KLF8: variants seen among roughly 807,000 people sequenced by gnomAD.
The protein encoded by KLF8 is KLF transcription factor 8.
Under a neutral mutation model 18.2 loss-of-function variants are expected in KLF8, and 10 were observed. The ratio of observed to expected loss-of-function variants is 0.55; its 90% confidence interval spans 0.34 to 0.93. KLF8 has a LOEUF of 0.93. KLF8 is among the 40% of genes least tolerant of loss of function. KLF8 has a pLI of 0.02. For missense variants in KLF8, 264 were observed against 277.9 expected (o/e 0.95, Z 0.36); for synonymous variants, 109 against 97.3 (o/e 1.12, Z -0.71).
chrX:56,204,272 T>C, the KLF8 span, among the ~76,000 whole-genome samples: 1 of 111,801 alleles, frequency 8.9e-6, no homozygotes, highest in African/African-American at 3.3e-5. Flanking sequence ...GTTGATTTAG[T>C]ATACTGCAAA....
chrX:56,167,079 G>A, the KLF8 span, among the ~76,000 whole-genome samples: 6 of 111,772 alleles, frequency 5.4e-5, no homozygotes, highest in Admixed American at 9.6e-5. Flanking sequence ...AAGAAATAAC[G>A]CTGCAGAAAG....
At chrX:56,200,765 C>G in the KLF8 span, among the ~76,000 whole-genome samples, 1 of 111,103 alleles carries the variant, frequency 9.0e-6, no homozygotes. Flanking sequence ...AACTCAACAG[C>G]AAAAAATTAA....
chrX:56,214,146 G>A, the KLF8 span, among the ~76,000 whole-genome samples: 1 of 110,421 alleles, frequency 9.1e-6, no homozygotes, highest in Non-Finnish European at 1.9e-5. Context: ...TGCCAGTGAA[G>A]CCTGGAGTTT....
chrX:56,007,367 AG>A, the KLF8 span, among the ~76,000 whole-genome samples: 1 of 111,160 alleles, frequency 9.0e-6, no homozygotes, highest in Non-Finnish European at 1.9e-5. Flanking sequence ...TGTGGAACCC[AG>A]CACACACTCC....
chrX:56,171,986 C>T, the KLF8 span, among the ~76,000 whole-genome samples: 1 of 111,805 alleles, frequency 8.9e-6, no homozygotes, highest in East Asian at 2.8e-4. Context: ...TACAGTCCCA[C>T]CAACAGTGTA....
chrX:55,994,325 C>G, the KLF8 span, among the ~76,000 whole-genome samples: 82 of 109,168 alleles, frequency 7.5e-4, no homozygotes, highest in Admixed American at 1.4e-3. Flanking sequence ...TTTTCTTTAT[C>G]AGTCTAACTA....
At chrX:56,043,361 T>A in the KLF8 span, among the ~76,000 whole-genome samples, 1 of 111,126 alleles carries the variant, frequency 9.0e-6, no homozygotes, top group African/African-American at 3.3e-5. Flanking sequence ...TGTTTGCCTG[T>A]CTTGCTTGGT....
At chrX:55,935,643 G>A in the KLF8 span, among the ~76,000 whole-genome samples, 2 of 111,962 alleles carry the variant, frequency 1.8e-5, no homozygotes, top group Non-Finnish European at 3.8e-5. Flanking sequence ...AGAGCCACAT[G>A]GATAAATCTC....
chrX:56,047,673 C>T, the KLF8 span, among the ~76,000 whole-genome samples: 2 of 111,246 alleles, frequency 1.8e-5, no homozygotes, highest in Non-Finnish European at 3.8e-5. Context: ...CAGTGTTGGA[C>T]ATTTGGCTTG....
chrX:55,949,806 G>T, the KLF8 span, among the ~76,000 whole-genome samples: 1 of 109,336 alleles, frequency 9.1e-6, no homozygotes, highest in Non-Finnish European at 1.9e-5. Flanking sequence ...AAAAAGAAAA[G>T]AAAAGAAAAG....
At chrX:56,091,161 G>C in the KLF8 span, among the ~76,000 whole-genome samples, 1 of 111,208 alleles carries the variant, frequency 9.0e-6, no homozygotes, top group Non-Finnish European at 1.9e-5. Context: ...GTGGGACCTG[G>C]TGAGAGGTGA....
chrX:56,163,461 A>AT, the KLF8 span, among the ~76,000 whole-genome samples: 2 of 111,334 alleles, frequency 1.8e-5, no homozygotes, highest in African/African-American at 6.5e-5. Context: ...TCTCTTGCAC[A>AT]TTTTTTGCAT....
chrX:56,096,759 A>G, the KLF8 span, among the ~76,000 whole-genome samples: 1 of 111,370 alleles, frequency 9.0e-6, no homozygotes. Flanking sequence ...TGAACTCTAG[A>G]CAGGCTAATC....
chrX:56,051,635 T>G, the KLF8 span, among the ~76,000 whole-genome samples: 1 of 111,517 alleles, frequency 9.0e-6, no homozygotes, highest in African/African-American at 3.3e-5. Context: ...TGTTGAGAGA[T>G]CCGCTGTTCA....
At chrX:56,079,481 G>C in the KLF8 span, among the ~76,000 whole-genome samples, 92 of 111,895 alleles carry the variant, frequency 8.2e-4, no homozygotes, top group African/African-American at 2.5e-3. Flanking sequence ...CTGAGTTCTA[G>C]TTTGATTGCA....
At chrX:56,055,280 A>C in the KLF8 span, among the ~76,000 whole-genome samples, 25 of 112,076 alleles carry the variant, frequency 2.2e-4, no homozygotes, top group African/African-American at 6.5e-4. Context: ...GATGGCAACA[A>C]ATTTTCTTAG....
At position 56,257,452 on chromosome X, in the gene KLF8, G is replaced by A. The variant is rs1002454541; in HGVS notation, c.81+7148G>A. 2.7e-5 allele frequency among the ~76,000 whole-genome samples: 3 copies of A among 111,711 alleles called. 1 individual carries two copies. Among genetic ancestry groups the A allele is most frequent in the Non-Finnish European group, 5.6e-5 (3 of 53,144 alleles). Reference sequence around the variant, plus strand: ...TGATGCCGAGGTTTGGGATATGGATGATCTTGTCACCATGGTAGTAAGCAT... The same window carrying A: ...TGATGCCGAGGTTTGGGATATGGATAATCTTGTCACCATGGTAGTAAGCAT... On this transcript the variant is annotated intron_variant, in intron 2 of 5. Transcript: ENST00000468660.
the KLF8 span, among the ~76,000 whole-genome samples, chrX:56,153,419 G>C: frequency 1.8e-5 from 2 of 110,997 alleles, no homozygotes; most frequent in African/African-American, 6.5e-5. Flanking sequence ...TAGTTTAAAA[G>C]AAGACAGAAG....
chrX:56,000,251 C>T, the KLF8 span, among the ~76,000 whole-genome samples: 1 of 110,321 alleles, frequency 9.1e-6, no homozygotes, highest in Non-Finnish European at 1.9e-5. Flanking sequence ...TGCTAGCATT[C>T]TGTTGAGGAT....
Sources: allele counts gnomAD v4.1 joint callset (sites outside exome capture counted in the v4.1 genomes callset), GRCh38; gene constraint gnomAD v4.1.1; transcripts MANE v1.5; gene names NCBI Gene and HGNC (gene_info 2026-07-23, HGNC 2026-07-21).